The following DSCAM variants were observed in gnomAD, a reference collection of about 807,000 sequenced individuals.
The protein encoded by DSCAM is DS cell adhesion molecule.
In DSCAM, 47 loss-of-function variants were observed where a neutral mutation model predicts 217.7. The observed-to-expected ratio is 0.22, with a 90% CI of 0.17 to 0.28. The LOEUF is 0.28. Among genes scored for constraint, DSCAM ranks in the 10% least tolerant of loss-of-function variants. The pLI, the probability that DSCAM is intolerant of heterozygous loss-of-function variation, is 1.00. For missense variants in DSCAM, 2,080 were observed against 2,618.3 expected (o/e 0.79, Z 4.49); for synonymous variants, 1,056 against 1,015.3 (o/e 1.04, Z -0.76).
At chr21:40,318,732 G>C (rs1424866269) in intron 8 of DSCAM, among the ~76,000 whole-genome samples, 2 of 152,230 alleles carry the variant, frequency 1.3e-5, no homozygotes, top group East Asian at 3.9e-4. Flanking sequence ...ATGAGGGAGT[G>C]ATAAGGATAT....
intron 3 of DSCAM, among the ~76,000 whole-genome samples, chr21:40,619,793 T>A (rs1378327642): frequency 6.7e-6 from 1 of 149,762 alleles, no homozygotes; most frequent in East Asian, 2.0e-4. Context: ...GAGAGCCCAG[T>A]CAAAAGATTT....
intron 3 of DSCAM, among the ~76,000 whole-genome samples, chr21:40,586,251 A>C (rs1051916581): frequency 1.3e-5 from 2 of 152,220 alleles, no homozygotes; most frequent in Non-Finnish European, 2.9e-5. Flanking sequence ...AGCCCACACC[A>C]AAAGCAGATG....
At chr21:40,369,674 T>A (rs1384483891) in intron 3 of DSCAM, among the ~76,000 whole-genome samples, 1 of 152,178 alleles carries the variant, frequency 6.6e-6, no homozygotes, top group Non-Finnish European at 1.5e-5. Context: ...TGCACATCTC[T>A]AGCTTATGAA....
At chr21:40,560,433 G>A (rs1017932363) in intron 3 of DSCAM, among the ~76,000 whole-genome samples, 17 of 152,230 alleles carry the variant, frequency 1.1e-4, no homozygotes, top group Non-Finnish European at 1.9e-4. Context: ...CATGTTCCCG[G>A]GGAATATTCA....
At chr21:40,843,362 G>A (rs986268685) in intron 1 of DSCAM, among the ~76,000 whole-genome samples, 1 of 126,334 alleles carries the variant, frequency 7.9e-6, no homozygotes, top group Non-Finnish European at 1.6e-5. Flanking sequence ...TGTCAGGAAT[G>A]CATGCATGTG....
chr21:40,830,740 G>A (rs1398020179), intron 1 of DSCAM, among the ~76,000 whole-genome samples: 3 of 152,136 alleles, frequency 2.0e-5, no homozygotes, highest in African/African-American at 7.2e-5. Flanking sequence ...TGGGATGGTA[G>A]AAAAAAGCAC....
chr21:40,073,557 C>T (rs918091265), intron 27 of DSCAM, among the ~76,000 whole-genome samples: 1 of 152,142 alleles, frequency 6.6e-6, no homozygotes, highest in African/African-American at 2.4e-5. Context: ...AACTTCTCAC[C>T]ATAATGGGCT....
intron 3 of DSCAM, among the ~76,000 whole-genome samples, chr21:40,528,178 C>T (rs1275356732): frequency 3.9e-5 from 6 of 152,174 alleles, no homozygotes; most frequent in Non-Finnish European, 1.5e-5. Flanking sequence ...GCCATAGCCA[C>T]AGTCCTGACC....
chr21:40,414,171 C>T (rs1005104338), intron 3 of DSCAM, among the ~76,000 whole-genome samples: 6 of 152,048 alleles, frequency 3.9e-5, no homozygotes, highest in African/African-American at 1.4e-4. Flanking sequence ...TCCAAAAATA[C>T]GTTTAAGAAA....
At chr21:40,682,513 AAG>A (rs370535822) in intron 3 of DSCAM, among the ~76,000 whole-genome samples, 1 of 150,216 alleles carries the variant, frequency 6.7e-6, no homozygotes, top group Non-Finnish European at 1.5e-5. Flanking sequence ...GAAAGAGAGA[AAG>A]AGAGAGAAAG....
chr21:40,479,362 T>C (rs1011021392), intron 3 of DSCAM, among the ~76,000 whole-genome samples: 2 of 152,184 alleles, frequency 1.3e-5, no homozygotes, highest in Non-Finnish European at 1.5e-5. Context: ...TGCTCATCTA[T>C]GTTTTCTGAT....
intron 16 of DSCAM, among the ~76,000 whole-genome samples, chr21:40,149,053 C>T (rs1277193496): frequency 6.6e-6 from 1 of 152,030 alleles, no homozygotes; most frequent in Non-Finnish European, 1.5e-5. Context: ...CTATCACCAC[C>T]ACCATCCATC....
chr21:40,426,413 C>T (rs993332682), intron 3 of DSCAM, among the ~76,000 whole-genome samples: 1 of 152,174 alleles, frequency 6.6e-6, no homozygotes, highest in African/African-American at 2.4e-5. Flanking sequence ...CACGAGTGGA[C>T]GTTGCCTGCT....
rs1770821775 is a variant in DSCAM at position 40,016,022 on chromosome 21, G to A, written c.5687-2636C>T. Among the ~76,000 whole-genome samples the A allele has an allele frequency of 6.6e-6, 1 of 152,166 alleles. No individual in the cohort carries two copies. The highest frequency in any genetic ancestry group is 2.4e-5 in the African/African-American group (1 of 41,436). On this transcript the variant is annotated intron_variant, in intron 32 of 32. Transcript: ENST00000400454. This position sits in a 1 kb window ranked among gnomAD's most constrained non-coding sequence, Gnocchi z 4.3. ...GGGAGCTGTTTCTGGCCACCTTGAG[G>A]TCTGAAGGACTCACCATCTTGGCAC...
At chr21:40,094,339 T>C (rs2089650087) in intron 20 of DSCAM, among the ~76,000 whole-genome samples, 1 of 152,190 alleles carries the variant, frequency 6.6e-6, no homozygotes, top group Non-Finnish European at 1.5e-5. Context: ...ATTTTATTTC[T>C]GATAAAATAG....
chr21:40,059,442 A>G (rs1316453264), intron 28 of DSCAM, among the ~76,000 whole-genome samples: 1 of 152,184 alleles, frequency 6.6e-6, no homozygotes, highest in African/African-American at 2.4e-5. Flanking sequence ...GGTGATGTGC[A>G]TGGGTGAAAC....
At chr21:40,281,371 G>C (rs908400962) in intron 10 of DSCAM, among the ~76,000 whole-genome samples, 1 of 152,040 alleles carries the variant, frequency 6.6e-6, no homozygotes, top group Non-Finnish European at 1.5e-5. Flanking sequence ...ATAATTTTAA[G>C]ATTATATGGC....
At chr21:40,123,033 C>T (rs371285129) in intron 20 of DSCAM, among the ~76,000 whole-genome samples, 3 of 152,190 alleles carry the variant, frequency 2.0e-5, no homozygotes, top group Non-Finnish European at 2.9e-5. Flanking sequence ...TCAAGTGAAA[C>T]GAGCTGGTCA....
intron 1 of DSCAM, among the ~76,000 whole-genome samples, chr21:40,724,384 A>T (rs954355444): frequency 2.6e-4 from 39 of 152,252 alleles, no homozygotes; most frequent in African/African-American, 8.9e-4. Context: ...AGAGTTATGT[A>T]AAGAATTACA....
Sources: gnomAD v4.1 joint callset for allele counts (sites outside exome capture counted in the v4.1 genomes callset) on GRCh38, gnomAD v4.1.1 for gene constraint, Gnocchi (gnomAD v3.1) non-coding constraint, MANE v1.5 for transcripts, NCBI Gene and HGNC (gene_info 2026-07-23, HGNC 2026-07-21) for gene names.